PCDH15: variants seen among roughly 807,000 people sequenced by gnomAD.
PCDH15 encodes protocadherin-15.
PCDH15 carries 129 observed loss-of-function variants against 178.5 expected under a neutral mutation model. The observed-to-expected ratio is 0.72, with a 90% CI of 0.63 to 0.84. PCDH15 has a LOEUF of 0.84. Among genes scored for constraint, PCDH15 ranks in the 40% least tolerant of loss-of-function variants. The pLI, the probability that PCDH15 is intolerant of heterozygous loss-of-function variation, is 0.00. For synonymous variants in PCDH15, 800 were observed against 732.0 expected (o/e 1.09, Z -1.50); for missense variants, 2,230 against 2,099.9 (o/e 1.06, Z -1.21).
chr10:55,097,819 T>A (rs1842482115), intron 2 of PCDH15, among the ~76,000 whole-genome samples: 1 of 152,118 alleles, frequency 6.6e-6, no homozygotes. Flanking sequence ...GTTGAACTCA[T>A]TGTAGTTGAG....
At chr10:54,549,331 T>C (rs1299622171) in intron 2 of PCDH15, among the ~76,000 whole-genome samples, 1 of 151,960 alleles carries the variant, frequency 6.6e-6, no homozygotes, top group Admixed American at 6.6e-5. Context: ...TCAATGCTTT[T>C]AGAATCACAT....
chr10:53,954,437 C>G (rs922193696), intron 23 of PCDH15, among the ~76,000 whole-genome samples: 1 of 152,194 alleles, frequency 6.6e-6, no homozygotes, highest in Non-Finnish European at 1.5e-5. Flanking sequence ...GTTTCTCTGT[C>G]TAGCTAGAAC....
At chr10:55,535,478 G>GA (rs950375887) in intron 2 of PCDH15, among the ~76,000 whole-genome samples, 2 of 151,816 alleles carry the variant, frequency 1.3e-5, no homozygotes, top group African/African-American at 4.8e-5. Flanking sequence ...GAATCAAAGT[G>GA]AAAAAAGACA....
chr10:55,606,990 C>G (rs919407442), intron 2 of PCDH15, among the ~76,000 whole-genome samples: 10 of 151,472 alleles, frequency 6.6e-5, no homozygotes, highest in African/African-American at 2.2e-4. Context: ...ATTTTCACAA[C>G]CTACTCATCT....
At chr10:54,478,758 C>T (rs946108050) in intron 3 of PCDH15, among the ~76,000 whole-genome samples, 2 of 151,864 alleles carry the variant, frequency 1.3e-5, no homozygotes, top group Admixed American at 6.6e-5. Flanking sequence ...TCCTTTTTCG[C>T]GTATGTCTTC....
At chr10:54,756,303 C>A (rs574774660) in intron 1 of PCDH15, among the ~76,000 whole-genome samples, 33 of 151,834 alleles carry the variant, frequency 2.2e-4, no homozygotes, top group Middle Eastern at 3.4e-3. Context: ...ACCATGAGTG[C>A]AAAAAGAAAA....
chr10:54,725,759 A>G (rs1235700327), intron 1 of PCDH15, among the ~76,000 whole-genome samples: 1 of 151,434 alleles, frequency 6.6e-6, no homozygotes, highest in Non-Finnish European at 1.5e-5. Flanking sequence ...TAAAATGGGA[A>G]TAATACCATC....
intron 1 of PCDH15, among the ~76,000 whole-genome samples, chr10:55,283,765 G>C (rs544262665): frequency 1.3e-5 from 2 of 151,724 alleles, no homozygotes; most frequent in East Asian, 3.9e-4. Context: ...TGTTAACTAG[G>C]TTATGTTTGC....
At chr10:55,393,166 T>C (rs1205706396) in intron 2 of PCDH15, among the ~76,000 whole-genome samples, 1 of 152,098 alleles carries the variant, frequency 6.6e-6, no homozygotes, top group Non-Finnish European at 1.5e-5. Context: ...AGAGCCTTAG[T>C]CAGACTGATG....
intron 25 of PCDH15, among the ~76,000 whole-genome samples, chr10:53,908,926 A>C (rs2082869505): frequency 1.3e-5 from 2 of 152,186 alleles, no homozygotes; most frequent in African/African-American, 4.8e-5. Context: ...AAACACACAA[A>C]CAATTTTTTA....
rs186049093 is a variant in PCDH15, at chr10:55,137,194, T to C, written c.-80+29382A>G. ...TTCATACATTACAATCATGTACCTATGATATTTCAGTCAACAACAGACTGC... is the reference window on the plus strand; with the variant it reads ...TTCATACATTACAATCATGTACCTACGATATTTCAGTCAACAACAGACTGC... On this transcript the variant is annotated intron_variant, in intron 2 of 5. Coordinates refer to the PCDH15 transcript ENST00000458638. Among the ~76,000 whole-genome samples, 5 of 152,296 alleles carry C rather than the reference T, an allele frequency of 3.3e-5. No homozygotes were observed. In the East Asian group the frequency reaches 5.8e-4, roughly 18 times the overall value.
intron 17 of PCDH15, among the ~76,000 whole-genome samples, chr10:54,075,228 A>G (rs531098423): frequency 3.3e-5 from 5 of 152,072 alleles, no homozygotes; most frequent in African/African-American, 1.2e-4. Context: ...CTCCAAAAAA[A>G]TAGCCAGGCA....
intron 1 of PCDH15, among the ~76,000 whole-genome samples, chr10:54,739,928 A>C (rs1944574827): frequency 6.6e-6 from 1 of 152,034 alleles, no homozygotes; most frequent in Non-Finnish European, 1.5e-5. Flanking sequence ...CTATAAAATA[A>C]CTAGAAGAAA....
chr10:54,995,792 C>T (rs867334446), intron 2 of PCDH15, among the ~76,000 whole-genome samples: 1 of 152,022 alleles, frequency 6.6e-6, no homozygotes, highest in Middle Eastern at 3.4e-3. Flanking sequence ...CGATGAGATA[C>T]TAGATTCCCC....
intron 2 of PCDH15, among the ~76,000 whole-genome samples, chr10:55,122,915 T>G (rs1302764855): frequency 6.6e-6 from 1 of 152,094 alleles, no homozygotes; most frequent in Non-Finnish European, 1.5e-5. Context: ...TTATGTATAT[T>G]CATGCTCAAT....
At chr10:53,825,857 G>A (rs960075149) in intron 32 of PCDH15, among the ~76,000 whole-genome samples, 2 of 151,318 alleles carry the variant, frequency 1.3e-5, no homozygotes, top group African/African-American at 2.4e-5. Context: ...TATTACAATT[G>A]CAAAATCTAC....
At chr10:54,513,835 C>G (rs745423157) in intron 3 of PCDH15, among the ~76,000 whole-genome samples, 1 of 152,124 alleles carries the variant, frequency 6.6e-6, no homozygotes. Flanking sequence ...TCTTGGATTA[C>G]AGCAATGAAT....
intron 1 of PCDH15, among the ~76,000 whole-genome samples, chr10:55,228,016 C>T (rs1031901382): frequency 2.7e-4 from 41 of 152,018 alleles, no homozygotes; most frequent in African/African-American, 9.7e-4. Context: ...CAATCAAAGA[C>T]ACAATTCATC....
intron 2 of PCDH15, among the ~76,000 whole-genome samples, chr10:55,624,057 A>G (rs1837469211): frequency 6.6e-6 from 1 of 150,828 alleles, no homozygotes. Context: ...GTTTGCCATC[A>G]GTTGTGTAAT....
Sources: allele counts gnomAD v4.1 joint callset (sites outside exome capture counted in the v4.1 genomes callset), GRCh38; gene constraint gnomAD v4.1.1; transcripts MANE v1.5; gene names NCBI Gene and HGNC (gene_info 2026-07-23, HGNC 2026-07-21).